ANO2: variants seen among roughly 807,000 people sequenced by gnomAD.
ANO2 encodes the protein anoctamin 2, also known as anoctamin-2.
A neutral mutation model predicts 124.2 loss-of-function variants in ANO2; 101 were observed. The observed-to-expected ratio is 0.81, with a 90% CI of 0.69 to 0.96. The LOEUF is 0.96. ANO2 is among the 40% of genes least tolerant of loss of function. The probability of loss-of-function intolerance (pLI) is 0.00; values close to 1 mark genes in which losing one functional copy is unlikely to be tolerated. For missense variants in ANO2, 1,293 were observed against 1,274.5 expected, an observed-to-expected ratio of 1.01 and a Z score of -0.22; for synonymous variants, 486 against 482.5, an observed-to-expected ratio of 1.01 and a Z score of -0.09.
chr12:5,885,204 G>T (rs992255373), intron 3 of ANO2, among the ~76,000 whole-genome samples: 3 of 152,164 alleles, frequency 2.0e-5, no homozygotes, highest in Non-Finnish European at 4.4e-5. Flanking sequence ...CACACTGGGT[G>T]GCCCCTGACT....
At chr12:5,574,549 T>C (rs1336774422) in intron 23 of ANO2, among the ~76,000 whole-genome samples, 1 of 152,088 alleles carries the variant, frequency 6.6e-6, no homozygotes. Flanking sequence ...CAGTCCAAGT[T>C]TTGGAGATAA....
intron 11 of ANO2, among the ~76,000 whole-genome samples, 162 bp from the exon 12 acceptor site, chr12:5,744,479 A>G (rs1175239245): frequency 6.6e-6 from 1 of 152,234 alleles, no homozygotes; most frequent in African/African-American, 2.4e-5. Context: ...CTTCACCTGG[A>G]GAGTGTTACT....
intron 14 of ANO2, among the ~76,000 whole-genome samples, chr12:5,692,392 T>C (rs1948982366): frequency 6.6e-6 from 1 of 152,132 alleles, no homozygotes; most frequent in Non-Finnish European, 1.5e-5. Context: ...TTAAGTAAGA[T>C]ACTTAAGTTC....
chr12:5,742,749 G>A (rs756067044), intron 12 of ANO2, among the ~76,000 whole-genome samples: 27 of 152,084 alleles, frequency 1.8e-4, no homozygotes, highest in Admixed American at 1.2e-3. Flanking sequence ...AAATGAATAC[G>A]TATTCTGGGT....
chr12:5,644,638 T>C (rs1025979868), intron 15 of ANO2, among the ~76,000 whole-genome samples: 3 of 152,228 alleles, frequency 2.0e-5, no homozygotes, highest in African/African-American at 7.2e-5. Context: ...CATATAGGTT[T>C]TCTCACATAT....
chr12:5,776,101 G>A (rs1455655925), intron 10 of ANO2, among the ~76,000 whole-genome samples: 1 of 152,140 alleles, frequency 6.6e-6, no homozygotes, highest in African/African-American at 2.4e-5. Flanking sequence ...CATCAATAAT[G>A]AGCACTGTTG....
chr12:5,603,915 G>A (rs1243729861), intron 19 of ANO2, among the ~76,000 whole-genome samples: 5 of 125,300 alleles, frequency 4.0e-5, no homozygotes, highest in Non-Finnish European at 6.3e-5. Flanking sequence ...ACTGCAGTCC[G>A]TCCTGGGTGA....
chr12:5,587,168 G>A (rs1012447055), intron 20 of ANO2, among the ~76,000 whole-genome samples: 2 of 152,130 alleles, frequency 1.3e-5, no homozygotes, highest in African/African-American at 4.8e-5. Flanking sequence ...CTTACTGTAC[G>A]CCAGGCCTTG....
intron 14 of ANO2, among the ~76,000 whole-genome samples, chr12:5,653,268 A>C (rs1946998312): frequency 6.6e-6 from 1 of 152,206 alleles, no homozygotes; most frequent in South Asian, 2.1e-4. Context: ...GATAATAACA[A>C]GAGGGCCAGG....
intron 20 of ANO2, among the ~76,000 whole-genome samples, chr12:5,596,482 C>G (rs1395658208): frequency 6.6e-6 from 1 of 152,126 alleles, no homozygotes; most frequent in African/African-American, 2.4e-5. Flanking sequence ...CTTCTGTTTT[C>G]AAGATTCCAG....
intron 16 of ANO2, among the ~76,000 whole-genome samples, chr12:5,619,966 C>G (rs373282275): frequency 1.1e-4 from 17 of 152,184 alleles, no homozygotes; most frequent in Non-Finnish European, 1.9e-4. Flanking sequence ...TCTGAGCAGG[C>G]CCAGAGGTCA....
intron 12 of ANO2, among the ~76,000 whole-genome samples, chr12:5,741,478 G>C (rs1197024638): frequency 6.6e-6 from 1 of 152,148 alleles, no homozygotes; most frequent in African/African-American, 2.4e-5. Context: ...ATGGTAGTAA[G>C]TCCCTCCTCT....
At chr12:5,836,023 G>C (rs1954304253) in intron 4 of ANO2, among the ~76,000 whole-genome samples, 1 of 152,204 alleles carries the variant, frequency 6.6e-6, no homozygotes, top group African/African-American at 2.4e-5. Context: ...GAGTGGGAGG[G>C]AAGCTGATGG....
At chr12:5,754,269 T>G (rs906015928) in intron 10 of ANO2, among the ~76,000 whole-genome samples, 2 of 152,172 alleles carry the variant, frequency 1.3e-5, no homozygotes, top group Non-Finnish European at 2.9e-5. Context: ...AAAAAAACCC[T>G]TCTTGGTCAT....
rs141299585 is a variant in ANO2 at position 5,751,649 on chromosome 12, A to G, written c.1056-679T>C. Among the ~76,000 whole-genome samples, 538 of 152,254 alleles carry G rather than the reference A, an allele frequency of 3.5e-3. 7 individuals carry two copies. The highest frequency in any genetic ancestry group is 0.012 in the African/African-American group (514 of 41,558). ...ATGAGAACATCACCAATCACTCCAT[A>G]AAGTTATCCAGTACCTCCAAGTTTC... On this transcript the variant is annotated intron_variant, in intron 10 of 24. Coordinates refer to ENST00000682330, the MANE Select transcript of ANO2 (RefSeq NM_001364791.2).
At chr12:5,691,633 G>A (rs531821736) in intron 14 of ANO2, among the ~76,000 whole-genome samples, 3 of 152,280 alleles carry the variant, frequency 2.0e-5, no homozygotes, top group East Asian at 1.9e-4. Context: ...GCCAGGCACA[G>A]TGGCTCACAC....
intron 10 of ANO2, among the ~76,000 whole-genome samples, chr12:5,791,585 A>T (rs1264162829): frequency 6.6e-6 from 1 of 152,228 alleles, no homozygotes; most frequent in Admixed American, 6.5e-5. Context: ...GGGCACCTTC[A>T]GCTACAGAGT....
chr12:5,923,178 ACACACATACACACACACGCACG>A (rs1565784133), intron 1 of ANO2, among the ~76,000 whole-genome samples: 1 of 62,562 alleles, frequency 1.6e-5, no homozygotes, highest in Non-Finnish European at 4.1e-5. Flanking sequence ...ACACACGCAC[ACACACATACACACACACGCACG>A]CACACACACC....
In ANO2 at chr12:5,904,959, GTTC is replaced by G. The variant is rs111512864; in HGVS notation, c.534+16078_534+16080del. Reference sequence around the variant, plus strand: ...AGAGGATACTCTCAAGTTCAGAGGTGTTCTTCTCCTCCCCTGAACTTTCTTAAG... The same window carrying G: ...AGAGGATACTCTCAAGTTCAGAGGTGTTCTCCTCCCCTGAACTTTCTTAAG... On this transcript the variant is annotated intron_variant, in intron 3 of 24. Coordinates refer to ENST00000682330, the MANE Select transcript of ANO2 (RefSeq NM_001364791.2). This position sits in a 1 kb window ranked among gnomAD's most constrained non-coding sequence, Gnocchi z 4.1. Among the ~76,000 whole-genome samples, 954 of 152,336 alleles carry G rather than the reference GTTC, an allele frequency of 6.3e-3. 16 individuals carry two copies. The highest frequency in any genetic ancestry group is 0.022 in the African/African-American group (911 of 41,564).
Sources: gnomAD v4.1 joint callset for allele counts (sites outside exome capture counted in the v4.1 genomes callset) on GRCh38, gnomAD v4.1.1 for gene constraint, Gnocchi (gnomAD v3.1) non-coding constraint, MANE v1.5 for transcripts, NCBI Gene and HGNC (gene_info 2026-07-23, HGNC 2026-07-21) for gene names.